RTTN: variants seen among roughly 807,000 people sequenced by gnomAD.
RTTN encodes the protein rotatin.
RTTN carries 182 observed loss-of-function variants against 269.2 expected under a neutral mutation model. The ratio of observed to expected loss-of-function variants is 0.68; its 90% CI spans 0.60 to 0.76. The LOEUF (loss-of-function observed/expected upper bound fraction) is 0.76. Among genes scored for constraint, RTTN ranks in the 30% least tolerant of loss-of-function variants. The pLI is 0.00. For missense variants in RTTN, 2,545 were observed against 2,608.6 expected, an observed-to-expected ratio of 0.98 and a Z score of 0.53; for synonymous variants, 1,006 against 963.5, an observed-to-expected ratio of 1.04 and a Z score of -0.82.
intron 21 of RTTN, among the ~76,000 whole-genome samples, chr18:70,136,442 A>G (rs1482406217): frequency 6.6e-6 from 1 of 151,692 alleles, no homozygotes; most frequent in African/African-American, 2.4e-5. Flanking sequence ...TAAAGGATAG[A>G]AAAGTTGAGA....
intron 10 of RTTN, among the ~76,000 whole-genome samples, chr18:70,178,583 T>A (rs1388294284): frequency 6.6e-6 from 1 of 150,512 alleles, no homozygotes; most frequent in African/African-American, 2.4e-5. Context: ...CAAGCATAAC[T>A]ATACTATAAA....
intron 37 of RTTN, 41 bp downstream of exon 37, chr18:70,057,701 C>T (rs2057857705): frequency 1.3e-6 from 2 of 1,486,580 alleles, no homozygotes; most frequent in Non-Finnish European, 9.4e-7. Flanking sequence ...ATTTTTGACA[C>T]CTAACGTAAA....
At position 70,018,243 on chromosome 18, in the gene RTTN, T is replaced by A. The variant is rs150254008; in HGVS notation, c.6154-569A>T. Among the ~76,000 whole-genome samples the A allele has an allele frequency of 6.6e-3, 1,003 of 152,328 alleles. 7 individuals carry two copies. The highest frequency in any genetic ancestry group is 0.037 in the Middle Eastern group (11 of 294). On this transcript the variant is annotated intron_variant, in intron 45 of 48. Coordinates refer to ENST00000640769, the MANE Select transcript of RTTN (RefSeq NM_173630.4). The stretch of plus-strand genomic sequence containing the variant: ...CACGTCATTCTATTATGCTTACAGA[T>A]GAGAAAGCTCTATTATTTGAACTGT...
In RTTN at chr18:70,009,900, G is replaced by A. The variant is rs1379576791; in HGVS notation, c.6422-3416C>T. 3.3e-5 allele frequency among the ~76,000 whole-genome samples: 5 copies of A among 151,762 alleles called. 1 individual carries two copies. Among genetic ancestry groups the A allele is most frequent in the African/African-American group, 9.7e-5 (4 of 41,278 alleles). ...TGGAGGAAGATTTACTAAGCAAATG[G>A]CAAGCAGGGGAGAAAAAAAAAGCAG... is the stretch of plus-strand genomic sequence containing the variant. On this transcript the variant is annotated intron_variant, in intron 46 of 48. Transcript: ENST00000640769.
At position 70,176,739 on chromosome 18, in the gene RTTN, A is replaced by G. The variant is rs772316658; in HGVS notation, c.1412T>C (p.Met471Thr). The change falls in exon 11 of 49, where the codon ATG becomes ACG. Residue 471 changes from methionine to threonine, a missense_variant. Met to Thr is a moderately conservative substitution (Grantham distance 81). Coordinates refer to ENST00000640769, the MANE Select transcript of RTTN (RefSeq NM_173630.4). The part of the protein sequence containing the change: ...QPEVMLVHHR[M>T]AFISISLFAV... Reference sequence around the variant, plus strand: ...AAACAGGGAAATGCTGATAAAGGCCATTCTGTGGTGCACAAGCATCACCTC... The same window carrying G: ...AAACAGGGAAATGCTGATAAAGGCCGTTCTGTGGTGCACAAGCATCACCTC... 1.2e-6 allele frequency: 2 copies of G among 1,614,142 alleles called. No homozygotes were observed. Among genetic ancestry groups the G allele is most frequent in the Admixed American group, 3.3e-5 (2 of 60,024 alleles).
At chr18:70,039,822 A>ATAAAGT (rs1045979965) in intron 40 of RTTN, among the ~76,000 whole-genome samples, 2 of 152,182 alleles carry the variant, frequency 1.3e-5, no homozygotes. Context: ...AGCAGGGGAG[A>ATAAAGT]TAAAGTTAAA....
rs537094921 is a variant in RTTN, at chr18:70,193,220, T to C, written c.1007+68A>G. On this transcript the variant is annotated intron_variant, in intron 8 of 48. Coordinates refer to ENST00000640769, the MANE Select transcript of RTTN (RefSeq NM_173630.4). ...AAGGACAGAAAAATAATTATCTCCTTCTGAAATTAACACACACACAAGTTA... is the reference window on the plus strand; with the variant it reads ...AAGGACAGAAAAATAATTATCTCCTCCTGAAATTAACACACACACAAGTTA... The C allele has an allele frequency of 1.4e-4, 188 of 1,374,224 alleles. No homozygotes were observed. The African/African-American group carries it at 1.5e-3, about 11-fold the overall frequency. The allele number at this position is 1,374,224 out of a possible 1,614,324, so 85.1% of individuals were successfully genotyped here.
At chr18:70,051,974 A>G (rs748406369) in intron 38 of RTTN, among the ~76,000 whole-genome samples, 8 of 152,220 alleles carry the variant, frequency 5.3e-5, no homozygotes, top group African/African-American at 1.2e-4. Context: ...AAAGGAAAGC[A>G]CAGTGTGCCA....
At chr18:70,168,520 T>C (rs1457472885) in intron 12 of RTTN, among the ~76,000 whole-genome samples, 1 of 152,186 alleles carries the variant, frequency 6.6e-6, no homozygotes, top group African/African-American at 2.4e-5. Context: ...CCTTATAATT[T>C]TGGTTACATC....
rs546465447 is a variant in RTTN, at chr18:70,127,996, TAA to T, written c.3144-257_3144-256del. On this transcript the variant is annotated intron_variant, in intron 24 of 48. Coordinates refer to ENST00000640769, the MANE Select transcript of RTTN (RefSeq NM_173630.4). ...ACTTAAGACAGACAGATTAGAATAT[TAA>T]GATATTCAAAAGTAATCACCATCAC... 1,964 of 469,174 alleles carry T rather than the reference TAA, an allele frequency of 4.2e-3. 9 individuals carry two copies. Among genetic ancestry groups the T allele is most frequent in the Non-Finnish European group, 6.1e-3 (1,600 of 262,496 alleles). 29.1% of individuals were successfully genotyped at this position (469,174 alleles called of 1,614,324 possible). A position where few individuals can be genotyped will look rare whatever the true frequency, so the allele number is the denominator to read the frequency against.
intron 43 of RTTN, 110 bp from the exon 44 acceptor site, chr18:70,024,958 T>C: frequency 7.9e-7 from 1 of 1,260,742 alleles, no homozygotes; most frequent in Non-Finnish European, 1.1e-6. Flanking sequence ...GAGAACCCTG[T>C]GGATGGCTTC....
intron 14 of RTTN, among the ~76,000 whole-genome samples, chr18:70,162,885 T>TG (rs1383234641): frequency 1.8e-4 from 3 of 16,534 alleles, no homozygotes; most frequent in Non-Finnish European, 7.6e-4. Context: ...AAATAAAAGT[T>TG]GAAAAAAAAA....
At position 70,145,989 on chromosome 18, in the gene RTTN, T is replaced by G. The variant is rs141390999; in HGVS notation, c.2310-206A>C. ...TTTATTCAATGTAATAGTTATAAAA[T>G]AAACATCAGAAACAAAAAATAATAA... is the stretch of plus-strand genomic sequence containing the variant. On this transcript the variant is annotated intron_variant, in intron 17 of 48. Coordinates refer to ENST00000640769, the MANE Select transcript of RTTN (RefSeq NM_173630.4). Among the ~76,000 whole-genome samples the G allele has an allele frequency of 8.8e-3, 1,337 of 152,264 alleles. 4 individuals carry two copies. Among genetic ancestry groups the G allele is most frequent in the Middle Eastern group, 0.017 (5 of 294 alleles).
At chr18:70,175,785 T>A (rs2061275983) in intron 11 of RTTN, among the ~76,000 whole-genome samples, 1 of 151,960 alleles carries the variant, frequency 6.6e-6, no homozygotes, top group African/African-American at 2.4e-5. Context: ...TTTGAATAGA[T>A]AAAACAAGAA....
intron 46 of RTTN, among the ~76,000 whole-genome samples, chr18:70,014,299 C>T (rs2056477355): frequency 6.6e-6 from 1 of 152,134 alleles, no homozygotes; most frequent in South Asian, 2.1e-4. Flanking sequence ...AATTTTCAAG[C>T]TTGTCATTTA....
At chr18:70,145,424 G>A (rs2060363559) in intron 18 of RTTN, among the ~76,000 whole-genome samples, 188 bp downstream of exon 18, 1 of 151,958 alleles carries the variant, frequency 6.6e-6, no homozygotes, top group Admixed American at 6.6e-5. Context: ...AAAAAGGTTG[G>A]GACCACTGCA....
At chr18:70,132,013 C>T (rs887874468) in intron 23 of RTTN, 1 of 151,514 alleles carries the variant, frequency 6.6e-6, no homozygotes, top group Admixed American at 6.6e-5. Flanking sequence ...ACATATCATG[C>T]TAACCACTAA....
chr18:70,075,195 C>T (rs545594538), intron 33 of RTTN, 157 bp downstream of exon 33: 14 of 527,420 alleles, frequency 2.7e-5, no homozygotes, highest in Middle Eastern at 4.9e-4. Context: ...AGAAAGAAGA[C>T]GGGAAGAAAA....
chr18:70,121,619 C>A lies in RTTN; in HGVS notation c.3465G>T (p.Lys1155Asn). ...CTAGTGAAGAATTTTTTCTTTGTTC[C>A]TTTATTAATTTATTTAAAAAATGTA... ...DIIHFLNKLIKEQRKNSSLEL... is the reference protein window; with the variant it reads ...DIIHFLNKLINEQRKNSSLEL... The change falls in exon 26 of 49, where the codon AAG becomes AAT. Residue 1155 changes from lysine to asparagine, a missense_variant. By Grantham distance (94) the Lys-to-Asn change is moderately conservative (BLOSUM62 0). Coordinates refer to ENST00000640769, the MANE Select transcript of RTTN (RefSeq NM_173630.4). 1.9e-6 allele frequency: 3 copies of A among 1,580,272 alleles called. No individual in the cohort carries two copies. The highest frequency in any genetic ancestry group is 2.6e-6 in the Non-Finnish European group (3 of 1,169,438).
Sources: gnomAD v4.1 joint callset for allele counts (sites outside exome capture counted in the v4.1 genomes callset) on GRCh38, gnomAD v4.1.1 for gene constraint, MANE v1.5 for transcripts, NCBI Gene and HGNC (gene_info 2026-07-23, HGNC 2026-07-21) for gene names.